The following MAD1L1 variants were observed in gnomAD, a reference collection of about 807,000 sequenced individuals.
MAD1L1 encodes the protein mitotic spindle assembly checkpoint protein MAD1.
Under a neutral mutation model 96.9 loss-of-function variants are expected in MAD1L1, and 95 were observed. That is an observed-to-expected ratio of 0.98 (90% CI 0.83 to 1.16). MAD1L1 has a LOEUF of 1.16. MAD1L1 is among the 50% of genes most tolerant of loss of function. The pLI is 0.00. For missense variants in MAD1L1, 1,007 were observed against 954.4 expected, an observed-to-expected ratio of 1.06 and a Z score of -0.73; for synonymous variants, 473 against 396.6, an observed-to-expected ratio of 1.19 and a Z score of -2.29.
intron 11 of MAD1L1, among the ~76,000 whole-genome samples, chr7:2,116,891 T>C (rs946572733): frequency 2.0e-5 from 3 of 152,102 alleles, no homozygotes; most frequent in Non-Finnish European, 4.4e-5. Flanking sequence ...AGTGTGCCCT[T>C]GGTAAAGAGG....
intron 18 of MAD1L1, among the ~76,000 whole-genome samples, chr7:1,876,215 C>T (rs966609785): frequency 2.0e-5 from 3 of 152,142 alleles, no homozygotes; most frequent in African/African-American, 7.2e-5. Flanking sequence ...CATGGCAGCC[C>T]CACCTAGGAA....
At chr7:2,113,131 G>T (rs1483940855) in intron 11 of MAD1L1, among the ~76,000 whole-genome samples, 1 of 143,734 alleles carries the variant, frequency 7.0e-6, no homozygotes, top group Non-Finnish European at 1.6e-5. Context: ...TCCCACTCAG[G>T]AAACGGGGAC....
At chr7:1,945,853 A>G (rs2128469039) in intron 16 of MAD1L1, among the ~76,000 whole-genome samples, 1 of 152,170 alleles carries the variant, frequency 6.6e-6, no homozygotes, top group South Asian at 2.1e-4. Context: ...GCAGTGGGGG[A>G]GGGACCACCA....
At chr7:2,125,174 G>C (rs1788172257) in intron 11 of MAD1L1, among the ~76,000 whole-genome samples, 1 of 152,212 alleles carries the variant, frequency 6.6e-6, no homozygotes, top group Non-Finnish European at 1.5e-5. Context: ...AGCCCACAGT[G>C]GCACAGCAGC....
At chr7:2,010,767 G>A (rs573637818) in intron 13 of MAD1L1, among the ~76,000 whole-genome samples, 7 of 152,294 alleles carry the variant, frequency 4.6e-5, no homozygotes, top group Admixed American at 2.6e-4. Flanking sequence ...CGACTACCCC[G>A]AGCCCACCTG....
chr7:2,207,474 A>G (rs914871856), intron 10 of MAD1L1, among the ~76,000 whole-genome samples: 4 of 152,120 alleles, frequency 2.6e-5, no homozygotes, highest in African/African-American at 7.2e-5. Context: ...CCAACGGCCA[A>G]TGGTGTAATC....
chr7:2,104,824 C>T (rs891030087), intron 11 of MAD1L1, among the ~76,000 whole-genome samples: 5 of 152,232 alleles, frequency 3.3e-5, no homozygotes, highest in East Asian at 1.9e-4. Flanking sequence ...GCAGCTCCCA[C>T]GCCAGGCCGT....
chr7:1,933,350 G>A (rs1260263040), intron 17 of MAD1L1, among the ~76,000 whole-genome samples: 1 of 152,174 alleles, frequency 6.6e-6, no homozygotes, highest in African/African-American at 2.4e-5. Context: ...CGGATACACA[G>A]GGAGGTCTTT....
At chr7:1,933,269 T>A (rs1360055185) in intron 17 of MAD1L1, among the ~76,000 whole-genome samples, 1 of 152,146 alleles carries the variant, frequency 6.6e-6, no homozygotes, top group Non-Finnish European at 1.5e-5. Context: ...CTGCCACGGT[T>A]TTCCCCAGGG....
At chr7:2,137,182 C>A (rs1788794197) in intron 11 of MAD1L1, among the ~76,000 whole-genome samples, 1 of 152,214 alleles carries the variant, frequency 6.6e-6, no homozygotes, top group African/African-American at 2.4e-5. Flanking sequence ...TAGGGACCAA[C>A]CCCAGCAAGG....
At chr7:1,851,251 G>C (rs117927576) in intron 18 of MAD1L1, among the ~76,000 whole-genome samples, 2 of 152,130 alleles carry the variant, frequency 1.3e-5, no homozygotes, top group South Asian at 4.1e-4. Flanking sequence ...GGTGACCCAC[G>C]CCCAGACCAG....
intron 18 of MAD1L1, among the ~76,000 whole-genome samples, chr7:1,819,697 G>A (rs990274596): frequency 2.0e-5 from 3 of 152,168 alleles, no homozygotes; most frequent in Admixed American, 6.5e-5. Context: ...CGGACAAGAG[G>A]CACGGAGTGA....
At chr7:1,915,321 G>A (rs888120853) in intron 17 of MAD1L1, among the ~76,000 whole-genome samples, 6 of 152,212 alleles carry the variant, frequency 3.9e-5, no homozygotes, top group African/African-American at 9.6e-5. Flanking sequence ...CGGGGAGATG[G>A]GAGGGGGAGG....
At position 1,816,208 on chromosome 7, in the gene MAD1L1, G is replaced by A; in HGVS notation, c.2019C>T (p.Ser673=). 3.1e-6 allele frequency: 5 copies of A among 1,612,930 alleles called. No individual in the cohort carries two copies. Among genetic ancestry groups the A allele is most frequent in the African/African-American group, 1.3e-5 (1 of 74,970 alleles). ...ACTCTGTCTCCAGTAGCTGCATCTT[G>A]GAACCCGAGGGGCTGGTGGCCTGCG... is the stretch of plus-strand genomic sequence containing the variant. ...LIFKATSPSG[S]KMQLLETEFS... Residue 673 remains serine (S), a synonymous_variant, in exon 19 of 19, where the codon TCC becomes TCT. Transcript: ENST00000265854.
intron 15 of MAD1L1, among the ~76,000 whole-genome samples, chr7:1,970,378 G>A (rs1780352133): frequency 7.3e-6 from 1 of 136,076 alleles, no homozygotes; most frequent in Non-Finnish European, 1.5e-5. Flanking sequence ...CTGTTACCCA[G>A]GTTGGAGTGC....
rs979966460 is a variant in MAD1L1, at chr7:1,817,748, C to T, written c.1999-1520G>A. On this transcript the variant is annotated intron_variant, in intron 18 of 18. Transcript: ENST00000265854. ...GAGCTCAGGAAACCGTTTTGGAAAG[C>T]GCTCCCTCCGCCCGGCAGCCCTCTG... Among the ~76,000 whole-genome samples, 13 of 152,090 alleles carry T rather than the reference C, an allele frequency of 8.5e-5. 1 individual carries two copies. The highest frequency in any genetic ancestry group is 6.5e-4 in the Admixed American group (10 of 15,274).
chr7:2,068,273 T>G (rs1784971226), intron 12 of MAD1L1, among the ~76,000 whole-genome samples: 1 of 152,218 alleles, frequency 6.6e-6, no homozygotes, highest in Admixed American at 6.5e-5. Flanking sequence ...CCATGTGAAC[T>G]TTTCCTTTAG....
intron 12 of MAD1L1, among the ~76,000 whole-genome samples, chr7:2,028,406 C>T: frequency 8.3e-6 from 1 of 119,876 alleles, no homozygotes; most frequent in Non-Finnish European, 1.6e-5. Context: ...GCCTGGGCGA[C>T]AGAGCAAGAC....
Position 1,950,256 on chromosome 7 carries a change from C to T in MAD1L1, c.1596+7373G>A, listed in dbSNP as rs956563639. ...ACCTCAGTCTCATGTCACCCAGCGG[C>T]GAGAATGGTCACCATGTGATAGGGA... On this transcript the variant is annotated intron_variant, in intron 16 of 18. Transcript: ENST00000265854. Among the ~76,000 whole-genome samples the T allele has an allele frequency of 7.2e-5, 11 of 152,182 alleles. No individual in the cohort carries two copies. The South Asian group carries it at 1.2e-3, about 17-fold the overall frequency.
Sources: allele counts gnomAD v4.1 joint callset (sites outside exome capture counted in the v4.1 genomes callset), GRCh38; gene constraint gnomAD v4.1.1; transcripts MANE v1.5; gene names NCBI Gene and HGNC (gene_info 2026-07-23, HGNC 2026-07-21).